Variants in LUC7L3 observed in about 807,000 individuals in gnomAD.
The protein encoded by LUC7L3 is LUC7 like 3 pre-mRNA splicing factor.
In LUC7L3, 6 loss-of-function variants were observed where a neutral mutation model predicts 66.8. That is an observed-to-expected ratio of 0.09 (90% CI 0.05 to 0.18). LUC7L3 has a LOEUF of 0.18. Among genes scored for constraint, LUC7L3 ranks in the 10% least tolerant of loss-of-function variants. The probability of loss-of-function intolerance (pLI) is 1.00; values close to 1 mark genes in which losing one functional copy is unlikely to be tolerated. For missense variants in LUC7L3, 341 were observed against 531.1 expected (o/e 0.64, Z 3.52); for synonymous variants, 160 against 174.7 (o/e 0.92, Z 0.66).
At chr17:50,740,393 T>C in intron 3 of LUC7L3, 48 bp downstream of exon 3, 1 of 1,535,168 alleles carries the variant, frequency 6.5e-7, no homozygotes, top group Non-Finnish European at 8.9e-7. Flanking sequence ...ATTAGTTGGT[T>C]TAAGTGGGAC....
At chr17:50,746,350 C>T (rs1314248913) in intron 8 of LUC7L3, among the ~76,000 whole-genome samples, 192 bp from the exon 9 acceptor site, 1 of 152,102 alleles carries the variant, frequency 6.6e-6, no homozygotes, top group Non-Finnish European at 1.5e-5. Context: ...AAGAGCACAA[C>T]GATAACCATC....
Position 50,751,932 on chromosome 17 carries a change from GA to G in LUC7L3, c.*1273del. ...TGGGACAAAATATTCCTAATGAAAG[GA>G]AGTACCAATTAGTTGATTTGTTGGT... On this transcript the variant is annotated 3_prime_UTR_variant, in exon 10 of 10. Coordinates refer to ENST00000505658, the MANE Select transcript of LUC7L3 (RefSeq NM_016424.5). 1 of 1,031,816 alleles carries G rather than the reference GA, an allele frequency of 9.7e-7. No homozygotes were observed. The highest frequency in any genetic ancestry group is 1.7e-5 in the African/African-American group (1 of 57,796). 63.9% of individuals were successfully genotyped at this position (1,031,816 alleles called of 1,614,324 possible).
intron 8 of LUC7L3, among the ~76,000 whole-genome samples, 167 bp from the exon 9 acceptor site, chr17:50,746,375 G>T (rs1291312341): frequency 6.6e-6 from 1 of 152,150 alleles, no homozygotes; most frequent in African/African-American, 2.4e-5. Flanking sequence ...CACTATTGGA[G>T]ATGAATTTAG....
intron 5 of LUC7L3, 74 bp from the exon 6 acceptor site, chr17:50,743,632 T>G: frequency 2.1e-6 from 2 of 933,848 alleles, no homozygotes; most frequent in Non-Finnish European, 3.4e-6. Flanking sequence ...CAACCACTAA[T>G]GAACCATGGG....
chr17:50,743,691 C>G lies in LUC7L3; in HGVS notation c.427-15C>G. 1 of 1,510,098 alleles carries G rather than the reference C, an allele frequency of 6.6e-7. No individual in the cohort carries two copies. The highest frequency in any genetic ancestry group is 1.2e-5 in the South Asian group (1 of 86,718). 93.5% of individuals were successfully genotyped at this position (1,510,098 alleles called of 1,614,324 possible). A position where few individuals can be genotyped will look rare whatever the true frequency, so the allele number is the denominator to read the frequency against. Reference sequence around the variant, plus strand: ...GAAAGAAATCTTAACTGTTTTTTTCCCCTACTCTTCTAAGATTGAAGAATT... The same window carrying G: ...GAAAGAAATCTTAACTGTTTTTTTCGCCTACTCTTCTAAGATTGAAGAATT... On this transcript the variant is annotated splice_polypyrimidine_tract_variant and intron_variant, in intron 5 of 9. Coordinates refer to ENST00000505658, the MANE Select transcript of LUC7L3 (RefSeq NM_016424.5).
At chr17:50,745,475 T>C (rs1255790132) in intron 7 of LUC7L3, among the ~76,000 whole-genome samples, 1 of 151,612 alleles carries the variant, frequency 6.6e-6, no homozygotes, top group African/African-American at 2.4e-5. Flanking sequence ...GAAATTTTGC[T>C]ATTTATTGAA....
intron 1 of LUC7L3, among the ~76,000 whole-genome samples, chr17:50,732,846 C>T (rs1969708796): frequency 6.6e-6 from 1 of 152,198 alleles, no homozygotes; most frequent in Non-Finnish European, 1.5e-5. Context: ...AAGCAGTCCT[C>T]CCATCTCAAC....
intron 6 of LUC7L3, 121 bp downstream of exon 6, chr17:50,743,931 C>T: frequency 2.8e-6 from 2 of 720,908 alleles, no homozygotes; most frequent in South Asian, 3.7e-5. Flanking sequence ...ATTTGTAGCC[C>T]ACAAGGTCTG....
intron 8 of LUC7L3, 148 bp from the exon 9 acceptor site, chr17:50,746,394 T>A (rs1007729214): frequency 3.5e-5 from 26 of 737,050 alleles, no homozygotes; most frequent in Admixed American, 1.6e-4. Context: ...AGAAAGATTT[T>A]CAATAATTTT....
At chr17:50,748,438 C>T (rs1172374971) in intron 9 of LUC7L3, 1 of 152,250 alleles carries the variant, frequency 6.6e-6, no homozygotes, top group Admixed American at 6.6e-5. Context: ...ACCTCAGCCT[C>T]CTGGGTGGCT....
intron 1 of LUC7L3, among the ~76,000 whole-genome samples, chr17:50,730,513 C>CAAAAAAAAAAAAAA (rs3063109): frequency 5.8e-4 from 34 of 59,088 alleles, no homozygotes; most frequent in African/African-American, 2.0e-3. Context: ...ACTCTGTCTC[C>CAAAAAAAAAAAAAA]AAAAAAAAAA....
chr17:50,752,025 A>G lies in LUC7L3; in HGVS notation c.*1364A>G. 2.7e-6 allele frequency: 3 copies of G among 1,114,788 alleles called. No homozygotes were observed. Among genetic ancestry groups the G allele is most frequent in the South Asian group, 2.1e-5 (1 of 47,794 alleles). 69.1% of individuals were successfully genotyped at this position (1,114,788 alleles called of 1,614,324 possible). On this transcript the variant is annotated 3_prime_UTR_variant, in exon 10 of 10. Coordinates refer to ENST00000505658, the MANE Select transcript of LUC7L3 (RefSeq NM_016424.5). ...GTATGTCATTCACACTTAGGCAAGC[A>G]TACACAGGCACATGGCTTTAAGAAC...
intron 1 of LUC7L3, among the ~76,000 whole-genome samples, chr17:50,732,027 A>G (rs1311907237): frequency 1.3e-5 from 2 of 152,166 alleles, no homozygotes; most frequent in African/African-American, 2.4e-5. Flanking sequence ...TGGCGTCAAG[A>G]CAAGATGTCA....
Position 50,750,554 on chromosome 17 carries a change from AAGC to A in LUC7L3, c.1195_1197del (p.Gln399del). The A allele has an allele frequency of 1.2e-6, 2 of 1,614,122 alleles. No individual in the cohort carries two copies. The highest frequency in any genetic ancestry group is 1.7e-6 in the Non-Finnish European group (2 of 1,179,994). On this transcript the variant is annotated inframe_deletion, in exon 10 of 10. Coordinates refer to ENST00000505658, the MANE Select transcript of LUC7L3 (RefSeq NM_016424.5). Reference sequence around the variant, plus strand: ...TAGTGTGAAGTCCGGTAGTCGAGAAAAGCAGAGTGAAGACACAAACACTGAATC... The same window carrying A: ...TAGTGTGAAGTCCGGTAGTCGAGAAAAGAGTGAAGACACAAACACTGAATC...
At chr17:50,732,229 A>AG (rs1329852215) in intron 1 of LUC7L3, among the ~76,000 whole-genome samples, 1 of 152,218 alleles carries the variant, frequency 6.6e-6, no homozygotes, top group Non-Finnish European at 1.5e-5. Flanking sequence ...TAGAAATCTT[A>AG]GGGGCATTCC....
At chr17:50,732,430 G>A (rs1373838347) in intron 1 of LUC7L3, among the ~76,000 whole-genome samples, 3 of 152,122 alleles carry the variant, frequency 2.0e-5, no homozygotes, top group African/African-American at 7.2e-5. Context: ...CACCCAGGCT[G>A]AAGTGCAGTG....
At position 50,755,586 on chromosome 17, in the gene LUC7L3, C is replaced by T. The variant is rs1197493534; in HGVS notation, c.*4925C>T. ...TTGTAGCTGATCTATTTCTTCCCCT[C>T]AGCCATCCCAAATAGGTCATTTGTC... On this transcript the variant is annotated 3_prime_UTR_variant, in exon 10 of 10. Coordinates refer to ENST00000505658, the MANE Select transcript of LUC7L3 (RefSeq NM_016424.5). The T allele has an allele frequency of 1.3e-5, 2 of 152,218 alleles. No individual in the cohort carries two copies. The highest frequency in any genetic ancestry group is 2.9e-5 in the Non-Finnish European group (2 of 68,040). The allele number at this position is 152,218 out of a possible 1,614,324, so 9.4% of individuals were successfully genotyped here.
chr17:50,735,495 C>CTTTCTT (rs1239803355), intron 1 of LUC7L3, among the ~76,000 whole-genome samples: 3 of 150,224 alleles, frequency 2.0e-5, no homozygotes, highest in Middle Eastern at 3.4e-3. Context: ...TTTGCCTTTC[C>CTTTCTT]TTTCTTTTTC....
At chr17:50,748,309 G>A (rs568197307) in intron 9 of LUC7L3, 2 of 152,094 alleles carry the variant, frequency 1.3e-5, no homozygotes, top group South Asian at 4.1e-4. Flanking sequence ...ATGATGACAT[G>A]AAATTTAGTG....
Sources: allele counts gnomAD v4.1 joint callset (sites outside exome capture counted in the v4.1 genomes callset), GRCh38; gene constraint gnomAD v4.1.1; transcripts MANE v1.5; gene names NCBI Gene and HGNC (gene_info 2026-07-23, HGNC 2026-07-21).